Variants in RCBTB2 observed in about 807,000 individuals in gnomAD.
RCBTB2 encodes RCC1 and BTB domain containing protein 2, also known as RCC1 and BTB domain-containing protein 2.
A neutral mutation model predicts 65.4 loss-of-function variants in RCBTB2; 55 were observed. The observed-to-expected ratio is 0.84, with a 90% CI of 0.68 to 1.05. RCBTB2 has a LOEUF of 1.05. Among genes scored for constraint, RCBTB2 ranks in the 50% least tolerant of loss-of-function variants. RCBTB2 has a pLI of 0.00. For synonymous variants in RCBTB2, 220 were observed against 255.2 expected (o/e 0.86, Z 1.31); for missense variants, 599 against 680.1 (o/e 0.88, Z 1.33).
intron 10 of RCBTB2, among the ~76,000 whole-genome samples, chr13:48,507,617 C>T (rs1052452219): frequency 2.0e-5 from 3 of 152,038 alleles, no homozygotes; most frequent in African/African-American, 7.3e-5. Context: ...ACTGGAAAAC[C>T]TTGAGGGGGG....
At chr13:48,497,480 A>G (rs183800930) in intron 13 of RCBTB2, among the ~76,000 whole-genome samples, 2 of 152,330 alleles carry the variant, frequency 1.3e-5, no homozygotes, top group African/African-American at 4.8e-5. Context: ...GAAAGATCCT[A>G]TTTGTTTTTC....
chr13:48,510,767 G>A lies in RCBTB2; in HGVS notation c.788C>T (p.Ala263Val), dbSNP rs1238667228. Residue 263 changes from alanine (A) to valine (V), a missense_variant, in exon 10 of 15, where the codon GCC becomes GTC. Ala to Val is a moderately conservative substitution (Grantham distance 64). Transcript: ENST00000344532. ...TACTAATGTGTGTGCGTAGCCACAG[G>A]CGACCTGGAAGGAAAAAAATCCACT... ...ALQGIRVQRV[A>V]CGYAHTLVLT... 16 of 1,610,778 alleles carry A rather than the reference G, an allele frequency of 9.9e-6. No homozygotes were observed. The highest frequency in any genetic ancestry group is 1.3e-5 in the African/African-American group (1 of 74,982).
At chr13:48,512,239 A>C (rs1950842611) in intron 7 of RCBTB2, 65 bp from the exon 8 acceptor site, 1 of 1,420,318 alleles carries the variant, frequency 7.0e-7, no homozygotes, top group Non-Finnish European at 9.8e-7. Flanking sequence ...CTGGACACTG[A>C]CATGTACTTG....
intron 14 of RCBTB2, among the ~76,000 whole-genome samples, chr13:48,495,506 CA>C (rs1193945883): frequency 6.6e-6 from 1 of 152,218 alleles, no homozygotes; most frequent in African/African-American, 2.4e-5. Flanking sequence ...TCTGATTTTT[CA>C]AAATTATAAA....
At chr13:48,526,946 T>A (rs928798762) in intron 1 of RCBTB2, among the ~76,000 whole-genome samples, 9 of 152,068 alleles carry the variant, frequency 5.9e-5, no homozygotes, top group Non-Finnish European at 1.0e-4. Context: ...AGATTTTTTT[T>A]AAATAGGAGG....
chr13:48,496,873 T>G (rs1044984388), intron 13 of RCBTB2, among the ~76,000 whole-genome samples: 1 of 142,518 alleles, frequency 7.0e-6, no homozygotes, highest in African/African-American at 2.9e-5. Flanking sequence ...GACCCTTTCA[T>G]GGACACGTGT....
intron 2 of RCBTB2, 144 bp from the exon 3 acceptor site, chr13:48,522,547 A>AC (rs1951488161): frequency 3.4e-6 from 2 of 585,968 alleles, no homozygotes; most frequent in Non-Finnish European, 6.1e-6. Flanking sequence ...TGCCTTAATA[A>AC]CCATGCCCAC....
At chr13:48,526,620 G>C (rs1951749931) in intron 1 of RCBTB2, among the ~76,000 whole-genome samples, 1 of 151,986 alleles carries the variant, frequency 6.6e-6, no homozygotes. Flanking sequence ...CTGTCTCTAA[G>C]AAAATAAAAA....
intron 14 of RCBTB2, chr13:48,492,626 T>G (rs946351249): frequency 2.0e-5 from 3 of 152,288 alleles, no homozygotes; most frequent in Admixed American, 6.5e-5. Flanking sequence ...CAGTTCTCAG[T>G]CCTCGTGCAG....
chr13:48,491,272 GC>G (rs1949686651), intron 14 of RCBTB2, among the ~76,000 whole-genome samples: 2 of 152,048 alleles, frequency 1.3e-5, no homozygotes, highest in Non-Finnish European at 2.9e-5. Flanking sequence ...TGATAGCCTT[GC>G]CAATGTACAT....
At chr13:48,495,122 C>T (rs1267785957) in intron 14 of RCBTB2, among the ~76,000 whole-genome samples, 1 of 152,028 alleles carries the variant, frequency 6.6e-6, no homozygotes, top group African/African-American at 2.4e-5. Context: ...GAGAGGATAT[C>T]CTTATACCAA....
intron 1 of RCBTB2, among the ~76,000 whole-genome samples, chr13:48,525,964 T>C (rs1951708016): frequency 1.3e-5 from 2 of 152,156 alleles, no homozygotes; most frequent in Admixed American, 1.3e-4. Flanking sequence ...TGGGGAAGTT[T>C]TGGTGGAGGG....
chr13:48,507,088 C>T (rs1003467332), intron 10 of RCBTB2, among the ~76,000 whole-genome samples: 1 of 152,212 alleles, frequency 6.6e-6, no homozygotes, highest in Non-Finnish European at 1.5e-5. Flanking sequence ...ACAGACAGAG[C>T]CAAAGGGTGG....
At chr13:48,492,967 T>C (rs7325962) in intron 14 of RCBTB2, among the ~76,000 whole-genome samples, 36,088 of 151,994 alleles carry the variant, frequency 0.24, 11,310 homozygotes, top group African/African-American at 0.72. Flanking sequence ...AAACCAAATT[T>C]CTGATATTTC....
At chr13:48,523,752 C>T (rs1369307780) in intron 2 of RCBTB2, among the ~76,000 whole-genome samples, 2 of 152,130 alleles carry the variant, frequency 1.3e-5, no homozygotes, top group African/African-American at 2.4e-5. Context: ...GGAAATCTTC[C>T]TAATGTGCTA....
At chr13:48,535,824 C>T (rs978536444), upstream of RCBTB2, 18 of 452,760 alleles carry the variant, frequency 4.0e-5, no homozygotes, top group Admixed American at 4.7e-5. Context: ...CACCACTTCT[C>T]CAGCCATTGG....
chr13:48,515,011 A>G (rs1951004471), intron 6 of RCBTB2, among the ~76,000 whole-genome samples, 194 bp downstream of exon 6: 1 of 152,222 alleles, frequency 6.6e-6, no homozygotes, highest in African/African-American at 2.4e-5. Flanking sequence ...TCATTCATAC[A>G]TCTAAAATGC....
At chr13:48,507,033 G>C (rs1368234677) in intron 10 of RCBTB2, among the ~76,000 whole-genome samples, 1 of 152,234 alleles carries the variant, frequency 6.6e-6, no homozygotes, top group African/African-American at 2.4e-5. Flanking sequence ...CCCTAGAGCA[G>C]CTGGTGACCT....
At chr13:48,500,797 C>T (rs936110713) in intron 12 of RCBTB2, among the ~76,000 whole-genome samples, 13 of 152,050 alleles carry the variant, frequency 8.5e-5, no homozygotes, top group African/African-American at 1.7e-4. Flanking sequence ...TTAAGCCACC[C>T]GGGCCATAGT....
Sources: gnomAD v4.1 joint callset for allele counts (sites outside exome capture counted in the v4.1 genomes callset) on GRCh38, gnomAD v4.1.1 for gene constraint, MANE v1.5 for transcripts, NCBI Gene and HGNC (gene_info 2026-07-23, HGNC 2026-07-21) for gene names.